XKR6: variants seen among roughly 807,000 people sequenced by gnomAD.
XKR6 encodes XK-related protein 6.
In XKR6, 22 loss-of-function variants were observed where a neutral mutation model predicts 56.7. The ratio of observed to expected loss-of-function variants is 0.39; its 90% CI spans 0.28 to 0.55. The LOEUF (loss-of-function observed/expected upper bound fraction) is 0.55. Ranked by LOEUF, XKR6 falls within the 20% of genes least tolerant of loss-of-function variation. The pLI is 0.66. For synonymous variants in XKR6, 524 were observed against 387.8 expected, an observed-to-expected ratio of 1.35 and a Z score of -4.13; for missense variants, 852 against 889.0, an observed-to-expected ratio of 0.96 and a Z score of 0.53.
chr8:10,998,069 C>G (rs114072131), intron 1 of XKR6, among the ~76,000 whole-genome samples: 92 of 152,186 alleles, frequency 6.0e-4, no homozygotes, highest in African/African-American at 2.1e-3. Context: ...AGCAGGACAA[C>G]AGGGGATTGG....
intron 1 of XKR6, among the ~76,000 whole-genome samples, chr8:11,047,689 C>T (rs963680871): frequency 3.9e-5 from 6 of 152,074 alleles, no homozygotes; most frequent in South Asian, 4.1e-4. Flanking sequence ...AGAGTTCTGG[C>T]GATGGATAGT....
chr8:11,137,151 A>G (rs974513951), intron 1 of XKR6: 2 of 160,582 alleles, frequency 1.2e-5, no homozygotes, highest in Non-Finnish European at 2.7e-5. Context: ...TATGTGGTTA[A>G]CCTTGCTCTA....
At chr8:10,959,890 A>G (rs571527841) in intron 1 of XKR6, among the ~76,000 whole-genome samples, 1 of 152,302 alleles carries the variant, frequency 6.6e-6, no homozygotes, top group African/African-American at 2.4e-5. Context: ...CCTTCCAAAC[A>G]TGAGTTTCTG....
intron 1 of XKR6, among the ~76,000 whole-genome samples, chr8:11,134,932 T>C (rs1800304860): frequency 6.6e-6 from 1 of 152,254 alleles, no homozygotes; most frequent in South Asian, 2.1e-4. Flanking sequence ...CAGAAAGATA[T>C]TTCCATTATA....
chr8:10,997,784 T>A (rs776575043), intron 1 of XKR6, among the ~76,000 whole-genome samples: 5 of 152,126 alleles, frequency 3.3e-5, no homozygotes, highest in Non-Finnish European at 7.4e-5. Flanking sequence ...AACAAAGCTG[T>A]CTCCCATCCC....
chr8:11,059,555 C>G (rs2129163022), intron 1 of XKR6, among the ~76,000 whole-genome samples: 1 of 152,058 alleles, frequency 6.6e-6, no homozygotes, highest in East Asian at 1.9e-4. Context: ...CGGCGAGCGA[C>G]AAGAGCTCGG....
intron 2 of XKR6, among the ~76,000 whole-genome samples, chr8:10,917,496 C>T (rs991160236): frequency 5.9e-5 from 9 of 152,186 alleles, no homozygotes; most frequent in Admixed American, 5.2e-4. Flanking sequence ...AATGTGTGTC[C>T]CTTGAGCAGG....
intron 1 of XKR6, among the ~76,000 whole-genome samples, chr8:11,154,977 C>G (rs964744227): frequency 3.3e-5 from 5 of 152,124 alleles, no homozygotes; most frequent in Admixed American, 3.3e-4. Flanking sequence ...AAAGACAAAT[C>G]AAGAAATATA....
At chr8:11,097,770 G>A (rs1399923102) in intron 1 of XKR6, among the ~76,000 whole-genome samples, 9 of 131,040 alleles carry the variant, frequency 6.9e-5, no homozygotes, top group East Asian at 2.2e-4. Context: ...TCACGCCACC[G>A]CACTCCAGCC....
chr8:11,200,564 C>T lies in XKR6; in HGVS notation c.764+12G>A. ...TCAGGGCCGGCCCGCCCCCACCCCGCAGTGCTCTTACCTCCACACCTGCCC... is the reference window on the plus strand; with the variant it reads ...TCAGGGCCGGCCCGCCCCCACCCCGTAGTGCTCTTACCTCCACACCTGCCC... On this transcript the variant is annotated intron_variant, in intron 1 of 2. Transcript: ENST00000416569. The surrounding 1 kb of genome is among the most constrained non-coding windows in gnomAD (Gnocchi z 6.4). 1 of 1,458,102 alleles carries T rather than the reference C, an allele frequency of 6.9e-7. No homozygotes were observed. Among genetic ancestry groups the T allele is most frequent in the Admixed American group, 2.8e-5 (1 of 35,794 alleles). 90.3% of individuals were successfully genotyped at this position (1,458,102 alleles called of 1,614,324 possible). A position where few individuals can be genotyped will look rare whatever the true frequency, so the allele number is the denominator to read the frequency against.
chr8:10,985,928 G>C (rs543197348), intron 1 of XKR6, among the ~76,000 whole-genome samples: 1 of 152,274 alleles, frequency 6.6e-6, no homozygotes, highest in South Asian at 2.1e-4. Context: ...TTTTTAACTA[G>C]ATAAGCTGAT....
intron 1 of XKR6, among the ~76,000 whole-genome samples, chr8:11,143,713 C>G (rs1386373650): frequency 1.3e-5 from 2 of 152,228 alleles, no homozygotes; most frequent in South Asian, 4.1e-4. Context: ...GGGACACATA[C>G]GGGAGTTTCT....
At chr8:11,019,935 G>C (rs1798712601) in intron 1 of XKR6, among the ~76,000 whole-genome samples, 1 of 152,152 alleles carries the variant, frequency 6.6e-6, no homozygotes, top group Non-Finnish European at 1.5e-5. Flanking sequence ...GAGGCGGCAG[G>C]CTATAAATAG....
intron 1 of XKR6, among the ~76,000 whole-genome samples, chr8:11,121,723 GAC>G (rs1799464694): frequency 6.6e-6 from 1 of 152,206 alleles, no homozygotes; most frequent in African/African-American, 2.4e-5. Flanking sequence ...CTGCTATAAA[GAC>G]ACATGCACAC....
chr8:11,196,441 AC>A (rs1397546092), intron 1 of XKR6, among the ~76,000 whole-genome samples: 1 of 152,034 alleles, frequency 6.6e-6, no homozygotes, highest in African/African-American at 2.4e-5. Context: ...AACAAAAAAA[AC>A]AACAACAACA....
At chr8:10,972,936 T>C (rs1802450666) in intron 1 of XKR6, among the ~76,000 whole-genome samples, 1 of 152,082 alleles carries the variant, frequency 6.6e-6, no homozygotes, top group South Asian at 2.1e-4. Flanking sequence ...TGTGCACAGG[T>C]TGTAAGGGAA....
At chr8:11,128,562 T>C (rs1044123151) in intron 1 of XKR6, among the ~76,000 whole-genome samples, 1 of 152,238 alleles carries the variant, frequency 6.6e-6, no homozygotes, top group Non-Finnish European at 1.5e-5. Flanking sequence ...AGTTGTTTAG[T>C]CATCAAAGTG....
At chr8:10,945,695 G>A (rs1801513737) in intron 1 of XKR6, among the ~76,000 whole-genome samples, 1 of 152,144 alleles carries the variant, frequency 6.6e-6, no homozygotes, top group Non-Finnish European at 1.5e-5. Context: ...TGAACACATT[G>A]GGCGACTTCT....
At chr8:11,096,861 C>T in intron 1 of XKR6, among the ~76,000 whole-genome samples, 1 of 152,232 alleles carries the variant, frequency 6.6e-6, no homozygotes, top group East Asian at 1.9e-4. Flanking sequence ...CAAGACCTCA[C>T]TGAATGTCAC....
Sources: gnomAD v4.1 joint callset for allele counts (sites outside exome capture counted in the v4.1 genomes callset) on GRCh38, gnomAD v4.1.1 for gene constraint, Gnocchi (gnomAD v3.1) non-coding constraint, MANE v1.5 for transcripts, NCBI Gene and HGNC (gene_info 2026-07-23, HGNC 2026-07-21) for gene names.